SLC24A2: variants seen among roughly 807,000 people sequenced by gnomAD.
SLC24A2 encodes the protein sodium/potassium/calcium exchanger 2.
Under a neutral mutation model 62.0 loss-of-function variants are expected in SLC24A2, and 36 were observed. The observed-to-expected ratio is 0.58, with a 90% confidence interval of 0.44 to 0.77. The LOEUF is 0.77. Ranked by LOEUF, SLC24A2 falls within the 30% of genes least tolerant of loss-of-function variation. SLC24A2 has a pLI of 0.00. For missense variants in SLC24A2, 846 were observed against 817.9 expected, an observed-to-expected ratio of 1.03 and a Z score of -0.42; for synonymous variants, 358 against 294.0, an observed-to-expected ratio of 1.22 and a Z score of -2.23.
rs1833724849 is a variant in SLC24A2 at position 19,531,835 on chromosome 9, C to T, written c.1480-3697G>A. ...TAATCTCTTTAAGCTTAGGTTTCTTCATCTGTAAAATGGGAGAAATAACAT... is the reference window on the plus strand; with the variant it reads ...TAATCTCTTTAAGCTTAGGTTTCTTTATCTGTAAAATGGGAGAAATAACAT... On this transcript the variant is annotated intron_variant, in intron 8 of 10. Transcript: ENST00000341998. Among the ~76,000 whole-genome samples, 7 of 152,026 alleles carry T rather than the reference C, an allele frequency of 4.6e-5. No homozygotes were observed. The South Asian group carries it at 1.5e-3, about 32-fold the overall frequency.
the SLC24A2 span, among the ~76,000 whole-genome samples, chr9:19,838,639 C>CA: frequency 2.7e-4 from 34 of 124,410 alleles, no homozygotes; most frequent in South Asian, 7.6e-4. Context: ...ACTCTGGTCT[C>CA]AAAAAAAAAA....
At chr9:19,762,282 T>A (rs1353997244) in intron 2 of SLC24A2, among the ~76,000 whole-genome samples, 1 of 152,236 alleles carries the variant, frequency 6.6e-6, no homozygotes, top group Admixed American at 6.5e-5. Flanking sequence ...GATGATAGTT[T>A]CTTTTGCTCT....
the SLC24A2 span, among the ~76,000 whole-genome samples, chr9:20,265,075 T>A: frequency 6.6e-6 from 1 of 152,256 alleles, no homozygotes; most frequent in Non-Finnish European, 1.5e-5. Flanking sequence ...AGCAGCCTCC[T>A]GCTAAATGGC....
intron 2 of SLC24A2, among the ~76,000 whole-genome samples, chr9:19,768,891 A>G (rs562067564): frequency 6.6e-6 from 1 of 152,162 alleles, no homozygotes. Context: ...TGTTTTCCTC[A>G]TGCTTCAATG....
chr9:19,843,131 T>G, the SLC24A2 span, among the ~76,000 whole-genome samples: 3 of 152,158 alleles, frequency 2.0e-5, no homozygotes, highest in Non-Finnish European at 4.4e-5. Context: ...GCAGCCAGGT[T>G]TTTTTTAAAA....
the SLC24A2 span, among the ~76,000 whole-genome samples, chr9:20,097,945 T>C: frequency 6.6e-6 from 1 of 151,824 alleles, no homozygotes; most frequent in African/African-American, 2.4e-5. Flanking sequence ...GGTTTCACCA[T>C]GTTAGCCAGT....
intron 5 of SLC24A2, among the ~76,000 whole-genome samples, chr9:19,584,273 T>TAAAAAAAAAAAAAAAAAAAAAC (rs5896848): frequency 8.3e-6 from 1 of 119,946 alleles, no homozygotes; most frequent in Non-Finnish European, 1.7e-5. Context: ...TAGCAAATAG[T>TAAAAAAAAAAAAAAAAAAAAAC]AAAAAAAAAA....
At chr9:19,546,928 G>A (rs1223189658) in intron 8 of SLC24A2, among the ~76,000 whole-genome samples, 2 of 152,070 alleles carry the variant, frequency 1.3e-5, no homozygotes, top group South Asian at 4.2e-4. Context: ...GCTTCCCTTG[G>A]GTAGGGGAGA....
the SLC24A2 span, among the ~76,000 whole-genome samples, chr9:19,974,584 C>A: frequency 7.8e-3 from 1,186 of 152,188 alleles, 13 homozygotes; most frequent in African/African-American, 0.027. Flanking sequence ...GTCTGAAGAC[C>A]AAAGCCTCTT....
chr9:19,900,786 T>C, the SLC24A2 span, among the ~76,000 whole-genome samples: 2 of 152,182 alleles, frequency 1.3e-5, no homozygotes, highest in East Asian at 3.8e-4. Flanking sequence ...CTCTATTCTC[T>C]TACTAACACT....
chr9:20,174,188 A>G, the SLC24A2 span, among the ~76,000 whole-genome samples: 1 of 152,162 alleles, frequency 6.6e-6, no homozygotes, highest in Non-Finnish European at 1.5e-5. Context: ...CACCTTATAC[A>G]AAAATCAACT....
At chr9:20,084,404 G>A in the SLC24A2 span, among the ~76,000 whole-genome samples, 1 of 152,068 alleles carries the variant, frequency 6.6e-6, no homozygotes, top group African/African-American at 2.4e-5. Context: ...TAACAATTGG[G>A]AAACACTACA....
intron 1 of SLC24A2, among the ~76,000 whole-genome samples, chr9:19,787,970 G>A (rs1823224389): frequency 6.6e-6 from 1 of 152,222 alleles, no homozygotes. Context: ...CGGAGGAGAT[G>A]GGTAAAATAG....
At chr9:20,142,183 C>G in the SLC24A2 span, among the ~76,000 whole-genome samples, 1 of 152,122 alleles carries the variant, frequency 6.6e-6, no homozygotes, top group African/African-American at 2.4e-5. Context: ...TGTATGTTAA[C>G]AGATTAAAGG....
chr9:20,049,771 T>C, the SLC24A2 span, among the ~76,000 whole-genome samples: 1 of 152,162 alleles, frequency 6.6e-6, no homozygotes, highest in Admixed American at 6.5e-5. Context: ...TTGTCACCCA[T>C]AAACTACAGG....
the SLC24A2 span, among the ~76,000 whole-genome samples, chr9:20,288,878 G>A: frequency 6.6e-6 from 1 of 152,290 alleles, no homozygotes; most frequent in East Asian, 1.9e-4. Context: ...ATGTTGGCAG[G>A]AAGCACAGGC....
chr9:19,910,567 C>A, the SLC24A2 span, among the ~76,000 whole-genome samples: 6 of 152,100 alleles, frequency 3.9e-5, no homozygotes, highest in Admixed American at 2.6e-4. Context: ...TCTCCAGCCT[C>A]ACTAACTCCC....
At chr9:19,755,140 G>T (rs1033231471) in intron 2 of SLC24A2, among the ~76,000 whole-genome samples, 8 of 152,286 alleles carry the variant, frequency 5.3e-5, no homozygotes, top group African/African-American at 1.9e-4. Context: ...CCTCTAGCTT[G>T]ATTTGCAACC....
At chr9:19,833,644 C>G in the SLC24A2 span, among the ~76,000 whole-genome samples, 1 of 152,248 alleles carries the variant, frequency 6.6e-6, no homozygotes, top group African/African-American at 2.4e-5. Flanking sequence ...GGCTCCACCT[C>G]TGGGGGCACA....
Sources: allele counts gnomAD v4.1 joint callset (sites outside exome capture counted in the v4.1 genomes callset), GRCh38; gene constraint gnomAD v4.1.1; transcripts MANE v1.5; gene names NCBI Gene and HGNC (gene_info 2026-07-23, HGNC 2026-07-21).